CLVS1: variants seen among roughly 807,000 people sequenced by gnomAD.
CLVS1 encodes the protein clavesin 1.
A neutral mutation model predicts 33.1 loss-of-function variants in CLVS1; 10 were observed. The ratio of observed to expected loss-of-function variants is 0.30; its 90% confidence interval spans 0.19 to 0.51. The LOEUF (loss-of-function observed/expected upper bound fraction) is 0.51, where lower values mean the gene tolerates loss of function less well. Ranked by LOEUF, CLVS1 falls within the 20% of genes least tolerant of loss-of-function variation. The probability of loss-of-function intolerance (pLI) is 0.97; values close to 1 mark genes in which losing one functional copy is unlikely to be tolerated. For synonymous variants in CLVS1, 163 were observed against 166.1 expected (o/e 0.98, Z 0.14); for missense variants, 343 against 433.4 (o/e 0.79, Z 1.85).
chr8:61,450,490 C>T (rs1361878057), intron 3 of CLVS1, among the ~76,000 whole-genome samples: 1 of 152,144 alleles, frequency 6.6e-6, no homozygotes, highest in Non-Finnish European at 1.5e-5. Flanking sequence ...ATAAAAATCA[C>T]AGAGGGCCCT....
the CLVS1 span, among the ~76,000 whole-genome samples, chr8:61,021,483 T>C: frequency 1.3e-5 from 2 of 152,086 alleles, no homozygotes; most frequent in African/African-American, 4.8e-5. Flanking sequence ...CCCATGTAGC[T>C]GTGACTACAG....
intron 5 of CLVS1, among the ~76,000 whole-genome samples, chr8:61,483,016 A>G (rs1803726215): frequency 6.6e-6 from 1 of 152,246 alleles, no homozygotes; most frequent in African/African-American, 2.4e-5. Context: ...ACATCCTAAC[A>G]TCACAATTAA....
upstream of CLVS1, among the ~76,000 whole-genome samples, chr8:61,056,945 T>C (rs1290234961): frequency 3.9e-5 from 6 of 152,158 alleles, no homozygotes; most frequent in Non-Finnish European, 7.4e-5. Context: ...TTTGTCAGAA[T>C]GGTGGTGCCT....
At chr8:61,331,761 C>A (rs971812566) in intron 2 of CLVS1, among the ~76,000 whole-genome samples, 1 of 151,850 alleles carries the variant, frequency 6.6e-6, no homozygotes, top group African/African-American at 2.4e-5. Flanking sequence ...ATTATAATTC[C>A]TTTTTCTACA....
chr8:61,311,474 A>G (rs1353835780), intron 2 of CLVS1, among the ~76,000 whole-genome samples: 2 of 152,048 alleles, frequency 1.3e-5, no homozygotes, highest in Non-Finnish European at 2.9e-5. Flanking sequence ...CATCTTTCCC[A>G]CAGATTGGAT....
chr8:61,191,599 A>G (rs1375697248), intron 2 of CLVS1, among the ~76,000 whole-genome samples: 1 of 152,248 alleles, frequency 6.6e-6, no homozygotes, highest in Non-Finnish European at 1.5e-5. Flanking sequence ...CTGTTTGCAG[A>G]TGACATGATT....
chr8:61,395,295 T>TG, intron 3 of CLVS1, among the ~76,000 whole-genome samples: 1 of 152,062 alleles, frequency 6.6e-6, no homozygotes, highest in South Asian at 2.1e-4. Context: ...TACCAGAGGC[T>TG]GGGGGAGAGG....
upstream of CLVS1, among the ~76,000 whole-genome samples, chr8:61,055,319 G>A (rs1397696899): frequency 6.6e-6 from 1 of 152,168 alleles, no homozygotes; most frequent in Non-Finnish European, 1.5e-5. Context: ...AAATAAGCCA[G>A]GTACACATCA....
intron 2 of CLVS1, among the ~76,000 whole-genome samples, chr8:61,371,528 C>A (rs1207933486): frequency 6.6e-6 from 1 of 152,116 alleles, no homozygotes; most frequent in Non-Finnish European, 1.5e-5. Context: ...AGGCTGCCTC[C>A]TATTCCTTCT....
chr8:61,052,652 C>T (rs1330808663), upstream of CLVS1, among the ~76,000 whole-genome samples: 1 of 152,162 alleles, frequency 6.6e-6, no homozygotes, highest in Non-Finnish European at 1.5e-5. Flanking sequence ...CCCATGTGAC[C>T]TGAGCTGAGG....
intron 5 of CLVS1, among the ~76,000 whole-genome samples, chr8:61,497,426 G>A (rs1804304468): frequency 1.7e-5 from 2 of 119,248 alleles, no homozygotes; most frequent in Admixed American, 1.9e-4. Context: ...CTGTGCCCTG[G>A]TGTCCAGGTT....
intron 2 of CLVS1, among the ~76,000 whole-genome samples, chr8:61,259,404 C>G (rs530597312): frequency 6.6e-6 from 1 of 152,254 alleles, no homozygotes; most frequent in East Asian, 1.9e-4. Flanking sequence ...TAGAAATTCC[C>G]AAAACACAGC....
chr8:61,187,720 A>G (rs1807371321), intron 2 of CLVS1, among the ~76,000 whole-genome samples: 2 of 151,562 alleles, frequency 1.3e-5, no homozygotes. Flanking sequence ...AACAGCTAAA[A>G]TGAATATATT....
chr8:61,008,464 CTT>C, the CLVS1 span, among the ~76,000 whole-genome samples: 34 of 134,958 alleles, frequency 2.5e-4, no homozygotes, highest in East Asian at 4.3e-4. Flanking sequence ...TGGGGATTTA[CTT>C]TTTTTTTTTT....
Position 61,088,359 on chromosome 8 carries a change from G to A in CLVS1, c.-243+31129G>A, listed in dbSNP as rs1228913134. ...CAAAAAATTAGCCAGGCATGGTGAC[G>A]CTCACCTGTAATCCCAGCTACTTGT... On this transcript the variant is annotated intron_variant, in intron 1 of 2. Coordinates refer to the CLVS1 transcript ENST00000522621. Among the ~76,000 whole-genome samples the A allele has an allele frequency of 4.6e-5, 7 of 152,008 alleles. No individual in the cohort carries two copies. The South Asian group carries it at 1.0e-3, about 23-fold the overall frequency.
chr8:61,064,624 T>G (rs544928106), intron 1 of CLVS1, among the ~76,000 whole-genome samples: 43 of 148,494 alleles, frequency 2.9e-4, no homozygotes, highest in African/African-American at 8.9e-4. Context: ...CACTGCAACC[T>G]CTGCCCTGTG....
At chr8:61,154,388 C>A (rs1300629631) in intron 2 of CLVS1, among the ~76,000 whole-genome samples, 1 of 151,970 alleles carries the variant, frequency 6.6e-6, no homozygotes, top group African/African-American at 2.4e-5. Context: ...CATTTCAATT[C>A]AAAAATCAGA....
intron 2 of CLVS1, among the ~76,000 whole-genome samples, chr8:61,256,349 C>T (rs1314621235): frequency 6.6e-6 from 1 of 152,170 alleles, no homozygotes; most frequent in African/African-American, 2.4e-5. Context: ...CCTGTCTGTA[C>T]TAAAAATACA....
intron 2 of CLVS1, among the ~76,000 whole-genome samples, chr8:61,132,818 A>G (rs971548222): frequency 3.9e-5 from 6 of 152,198 alleles, no homozygotes; most frequent in African/African-American, 1.4e-4. Context: ...GTAAAGCAAC[A>G]CTACAGGGGT....
Sources: gnomAD v4.1 joint callset for allele counts (sites outside exome capture counted in the v4.1 genomes callset) on GRCh38, gnomAD v4.1.1 for gene constraint, MANE v1.5 for transcripts, NCBI Gene and HGNC (gene_info 2026-07-23, HGNC 2026-07-21) for gene names.